Variants in CELSR1 observed in about 807,000 individuals in gnomAD.
CELSR1 encodes cadherin EGF LAG seven-pass G-type receptor 1.
In CELSR1, 110 loss-of-function variants were observed where a neutral mutation model predicts 249.1. That is an observed-to-expected ratio of 0.44 (90% CI 0.38 to 0.52). CELSR1 has a LOEUF of 0.52. Among genes scored for constraint, CELSR1 ranks in the 20% least tolerant of loss-of-function variants. The pLI is 0.00. For missense variants in CELSR1, 4,109 were observed against 4,296.4 expected, an observed-to-expected ratio of 0.96 and a Z score of 1.22; for synonymous variants, 2,113 against 1,900.0, an observed-to-expected ratio of 1.11 and a Z score of -2.92.
intron 1 of CELSR1, among the ~76,000 whole-genome samples, chr22:46,492,176 C>T (rs983579156): frequency 2.6e-5 from 4 of 152,218 alleles, no homozygotes; most frequent in African/African-American, 9.6e-5. Context: ...CTCAGTCATT[C>T]CTCCAGGAAT....
Position 46,454,203 on chromosome 22 carries a change from A to G in CELSR1, c.4183+9504T>C, listed in dbSNP as rs1045014230. 6.6e-6 allele frequency among the ~76,000 whole-genome samples: 1 copy of G among 152,182 alleles called. No individual in the cohort carries two copies. Among genetic ancestry groups the G allele is most frequent in the Non-Finnish European group, 1.5e-5 (1 of 68,016 alleles). Reference sequence around the variant, plus strand: ...GGCCTCCAGCAGCTGAGGAAGGCAGAGCAGGAGGCCCTCCCCAGGGCCTCC... The same window carrying G: ...GGCCTCCAGCAGCTGAGGAAGGCAGGGCAGGAGGCCCTCCCCAGGGCCTCC... On this transcript the variant is annotated intron_variant, in intron 2 of 34. Transcript: ENST00000674500. This position sits in a 1 kb window ranked among gnomAD's most constrained non-coding sequence, Gnocchi z 5.1.
At chr22:46,504,223 G>A (rs187690939) in intron 1 of CELSR1, among the ~76,000 whole-genome samples, 2 of 152,202 alleles carry the variant, frequency 1.3e-5, no homozygotes, top group East Asian at 3.9e-4. Flanking sequence ...AGAAAAAACA[G>A]GAATGGCTGG....
At chr22:46,525,236 G>C (rs2080727217) in intron 1 of CELSR1, among the ~76,000 whole-genome samples, 1 of 152,186 alleles carries the variant, frequency 6.6e-6, no homozygotes, top group East Asian at 1.9e-4. Context: ...ATCACCTGAG[G>C]TCGGGAGTTC....
chr22:46,525,806 G>C (rs549963023), intron 1 of CELSR1, among the ~76,000 whole-genome samples: 1 of 152,354 alleles, frequency 6.6e-6, no homozygotes, highest in Admixed American at 6.5e-5. Flanking sequence ...CTGCTATCGG[G>C]TTTCAAAATG....
chr22:46,469,820 T>C (rs531520793), intron 1 of CELSR1, among the ~76,000 whole-genome samples: 1 of 149,108 alleles, frequency 6.7e-6, no homozygotes, highest in Non-Finnish European at 1.5e-5. Context: ...GGCCTAGGGC[T>C]CTGATTTTCT....
chr22:46,455,385 G>A (rs578108586), intron 2 of CELSR1, among the ~76,000 whole-genome samples: 23 of 152,198 alleles, frequency 1.5e-4, no homozygotes, highest in African/African-American at 5.5e-4. Flanking sequence ...GCCTGCCACC[G>A]CGCCTGGCTA....
At position 46,411,206 on chromosome 22, in the gene CELSR1, A is replaced by G. The variant is rs2079330521; in HGVS notation, c.4769+396T>C. ...AGAGCGAGACCCCATCTCAGAAAAA[A>G]ACAAAACAACAACAAAAAAACATAA... On this transcript the variant is annotated intron_variant, in intron 6 of 34. Transcript: ENST00000674500. This position sits in a 1 kb window ranked among gnomAD's most constrained non-coding sequence, Gnocchi z 4.2. Among the ~76,000 whole-genome samples, 1 of 152,072 alleles carries G rather than the reference A, an allele frequency of 6.6e-6. No homozygotes were observed. Among genetic ancestry groups the G allele is most frequent in the Admixed American group, 6.6e-5 (1 of 15,266 alleles).
Position 46,507,044 on chromosome 22 carries a change from G to C in CELSR1, c.3544+26583C>G, listed in dbSNP as rs914018058. On this transcript the variant is annotated intron_variant, in intron 1 of 34. Coordinates refer to ENST00000674500, the MANE Select transcript of CELSR1 (RefSeq NM_001378328.1). ...CTACTAAAAATACAAAAATTAGCCAGGTGTGGTGGTGTGTGCCTATAATCC... is the reference window on the plus strand; with the variant it reads ...CTACTAAAAATACAAAAATTAGCCACGTGTGGTGGTGTGTGCCTATAATCC... 2.0e-5 allele frequency among the ~76,000 whole-genome samples: 3 copies of C among 152,326 alleles called. No individual in the cohort carries two copies. In the East Asian group the frequency reaches 5.8e-4, roughly 29 times the overall value.
At chr22:46,465,748 C>T (rs527476767) in intron 1 of CELSR1, among the ~76,000 whole-genome samples, 16 of 152,360 alleles carry the variant, frequency 1.1e-4, no homozygotes, top group South Asian at 6.2e-4. Flanking sequence ...GCCACAGATG[C>T]GTGCAGGTGC....
At chr22:46,529,459 G>C (rs1175040256) in intron 1 of CELSR1, among the ~76,000 whole-genome samples, 1 of 151,972 alleles carries the variant, frequency 6.6e-6, no homozygotes, top group African/African-American at 2.4e-5. Context: ...AGCTGGGAAG[G>C]GGGTAGCAGG....
At chr22:46,365,458 G>A (rs750195830) in intron 31 of CELSR1, 78 bp from the exon 32 acceptor site, 38 of 1,576,840 alleles carry the variant, frequency 2.4e-5, no homozygotes, top group East Asian at 1.1e-4. Context: ...CAGAGCCACT[G>A]GGCCCCTGGC....
In CELSR1 at chr22:46,402,344, G is replaced by C. The variant is rs1363022883; in HGVS notation, c.5227-2442C>G. On this transcript the variant is annotated intron_variant, in intron 9 of 34. Coordinates refer to ENST00000674500, the MANE Select transcript of CELSR1 (RefSeq NM_001378328.1). The surrounding 1 kb of genome is among the most constrained non-coding windows in gnomAD (Gnocchi z 5.0). The stretch of plus-strand genomic sequence containing the variant: ...TGATTCTCCTGCCTCAGCCTCCCGA[G>C]TAGCTGAGATACAGGTACCCACCAC... 6.6e-6 allele frequency among the ~76,000 whole-genome samples: 1 copy of C among 151,794 alleles called. No homozygotes were observed. Among genetic ancestry groups the C allele is most frequent in the Non-Finnish European group, 1.5e-5 (1 of 67,998 alleles).
At position 46,396,665 on chromosome 22, in the gene CELSR1, G is replaced by A; in HGVS notation, c.5783C>T (p.Ser1928Phe). 2 of 1,612,606 alleles carry A rather than the reference G, an allele frequency of 1.2e-6. No individual in the cohort carries two copies. The highest frequency in any genetic ancestry group is 1.3e-5 in the African/African-American group (1 of 75,032). The change falls in exon 13 of 35, where the codon TCC becomes TTC. Residue 1928 changes from serine to phenylalanine, a missense_variant. This residue lies in a region of CELSR1 where 1,805 missense variants were observed against 1,831.6 expected (regional missense o/e 0.99). Coordinates refer to ENST00000674500, the MANE Select transcript of CELSR1 (RefSeq NM_001378328.1). This position sits in a 1 kb window ranked among gnomAD's most constrained non-coding sequence, Gnocchi z 6.4. ...NMGACVRSPGSPQGYVCECGP... is the reference protein window; with the variant it reads ...NMGACVRSPGFPQGYVCECGP... The stretch of plus-strand genomic sequence containing the variant: ...ACACTCGCACACGTAGCCCTGCGGG[G>A]AGCCGGGGGAGCGCACGCAGGCCCC...
rs2079545927 is a variant in CELSR1 at position 46,427,109 on chromosome 22, A to G, written c.4611+6284T>C. ...GAAGTGTGTGTGCATGTATATATGTACACACACACACACCTACACAGACGT... is the reference window on the plus strand; with the variant it reads ...GAAGTGTGTGTGCATGTATATATGTGCACACACACACACCTACACAGACGT... On this transcript the variant is annotated intron_variant, in intron 5 of 34. Coordinates refer to ENST00000674500, the MANE Select transcript of CELSR1 (RefSeq NM_001378328.1). This position sits in a 1 kb window ranked among gnomAD's most constrained non-coding sequence, Gnocchi z 4.2. Among the ~76,000 whole-genome samples, 1 of 151,766 alleles carries G rather than the reference A, an allele frequency of 6.6e-6. No homozygotes were observed. Among genetic ancestry groups the G allele is most frequent in the South Asian group, 2.1e-4 (1 of 4,812 alleles).
intron 33 of CELSR1, 33 bp downstream of exon 33, chr22:46,364,479 G>C: frequency 1.3e-6 from 2 of 1,587,446 alleles, no homozygotes; most frequent in Non-Finnish European, 1.7e-6. Context: ...GGGTCCTCCA[G>C]CCTTTCACTG....
chr22:46,499,603 T>C (rs1292544917), intron 1 of CELSR1, among the ~76,000 whole-genome samples: 5 of 152,186 alleles, frequency 3.3e-5, no homozygotes, highest in African/African-American at 4.8e-5. Context: ...TGCAAAGACT[T>C]GTCCCAAGGA....
rs1290013282 is a variant in CELSR1, at chr22:46,361,383, C to T, written c.*1840G>A. On this transcript the variant is annotated 3_prime_UTR_variant, in exon 35 of 35. Transcript: ENST00000674500. ...ACAGTTCTGATCAAATTAAAAATTA[C>T]ACCTCGTGATGTTGGCTGTGGAGTA... is the stretch of plus-strand genomic sequence containing the variant. 6.6e-6 allele frequency: 1 copy of T among 152,364 alleles called. No individual in the cohort carries two copies. The highest frequency in any genetic ancestry group is 1.5e-5 in the Non-Finnish European group (1 of 68,046). The allele number at this position is 152,364 out of a possible 1,614,324, so 9.4% of individuals were successfully genotyped here.
intron 5 of CELSR1, among the ~76,000 whole-genome samples, chr22:46,420,326 C>T (rs564604547): frequency 6.8e-6 from 1 of 146,206 alleles, no homozygotes; most frequent in South Asian, 2.1e-4. Context: ...ATGCACTCAC[C>T]CACTCGTGCA....
intron 1 of CELSR1, among the ~76,000 whole-genome samples, chr22:46,482,973 G>A (rs1015725008): frequency 2.0e-5 from 3 of 152,150 alleles, no homozygotes; most frequent in South Asian, 2.1e-4. Flanking sequence ...TGGCAAATGG[G>A]AAAGAGGAGC....
Sources: gnomAD v4.1 joint callset for allele counts (sites outside exome capture counted in the v4.1 genomes callset) on GRCh38, gnomAD v4.1.1 for gene constraint, gnomAD v4.1.1 regional missense constraint, Gnocchi (gnomAD v3.1) non-coding constraint, MANE v1.5 for transcripts, NCBI Gene and HGNC (gene_info 2026-07-23, HGNC 2026-07-21) for gene names.